The following PDXDC1 variants were observed in gnomAD, a reference collection of about 807,000 sequenced individuals.
The protein encoded by PDXDC1 is pyridoxal dependent decarboxylase domain containing 1.
In PDXDC1, 42 loss-of-function variants were observed where a neutral mutation model predicts 100.1. That is an observed-to-expected ratio of 0.42 (90% confidence interval 0.33 to 0.54). PDXDC1 has a LOEUF of 0.54. Among genes scored for constraint, PDXDC1 ranks in the 20% least tolerant of loss-of-function variants. The pLI is 0.10. For synonymous variants in PDXDC1, 260 were observed against 371.7 expected (o/e 0.70, Z 3.46); for missense variants, 636 against 979.2 (o/e 0.65, Z 4.68).
intron 16 of PDXDC1, chr16:15,055,718 A>G: frequency 2.6e-6 from 1 of 381,160 alleles, no homozygotes. Context: ...GCTGAAGTCT[A>G]AAGAAGGCAA....
intron 3 of PDXDC1, among the ~76,000 whole-genome samples, chr16:15,001,550 G>A (rs1973154861): frequency 6.6e-6 from 1 of 152,290 alleles, no homozygotes; most frequent in African/African-American, 2.4e-5. Context: ...TCATAATTAG[G>A]TAGAAGATTT....
At chr16:15,062,044 T>C in intron 16 of PDXDC1, 3 of 802,522 alleles carry the variant, frequency 3.7e-6, no homozygotes, top group Non-Finnish European at 5.8e-6. Context: ...GCCAGTGTAG[T>C]GGCACACGCC....
At chr16:15,018,324 G>A (rs1344315856) in intron 11 of PDXDC1, among the ~76,000 whole-genome samples, 1 of 152,232 alleles carries the variant, frequency 6.6e-6, no homozygotes, top group Non-Finnish European at 1.5e-5. Flanking sequence ...TGGGAGGGCT[G>A]ATTGAGCCCT....
rs752171786 is a variant in PDXDC1 at position 15,034,570 on chromosome 16, T to C, written c.2002+17T>C. On this transcript the variant is annotated intron_variant, in intron 21 of 22. Transcript: ENST00000396410. Reference sequence around the variant, plus strand: ...TGACAGCAGGTAGGACGGCATAGCCTCTTCCCAGGTCTTGCTGACCTTGGG... The same window carrying C: ...TGACAGCAGGTAGGACGGCATAGCCCCTTCCCAGGTCTTGCTGACCTTGGG... 6 of 1,575,132 alleles carry C rather than the reference T, an allele frequency of 3.8e-6. No individual in the cohort carries two copies. The highest frequency in any genetic ancestry group is 2.2e-5 in the East Asian group (1 of 44,704).
intron 16 of PDXDC1, among the ~76,000 whole-genome samples, chr16:15,064,526 G>A (rs1854101496): frequency 6.6e-6 from 1 of 152,174 alleles, no homozygotes; most frequent in African/African-American, 2.4e-5. Context: ...GTGGTCTCTA[G>A]AGGAAGGAAC....
chr16:15,030,567 A>AAAAAAAC (rs2042987704), intron 16 of PDXDC1, among the ~76,000 whole-genome samples: 1 of 149,916 alleles, frequency 6.7e-6, no homozygotes, highest in Non-Finnish European at 1.5e-5. Context: ...AAAAAAAAAA[A>AAAAAAAC]AAGTCATCAC....
intron 16 of PDXDC1, among the ~76,000 whole-genome samples, chr16:15,110,142 T>A (rs2046982043): frequency 2.1e-5 from 3 of 141,334 alleles, no homozygotes; most frequent in African/African-American, 5.2e-5. Flanking sequence ...CAAAGCCCCA[T>A]CTCAGGAAAA....
intron 1 of PDXDC1, among the ~76,000 whole-genome samples, chr16:14,995,899 T>C (rs1464611770): frequency 1.3e-5 from 2 of 152,412 alleles, no homozygotes; most frequent in East Asian, 1.9e-4. Context: ...AATGTATCCA[T>C]TTCTTCTAGA....
intron 1 of PDXDC1, chr16:14,989,924 G>T (rs1400204508): frequency 3.8e-5 from 57 of 1,501,358 alleles, no homozygotes; most frequent in Non-Finnish European, 4.7e-5. Flanking sequence ...CCGCCTCGCC[G>T]CGCTCCCGCA....
chr16:15,076,182 C>A (rs149178620), intron 16 of PDXDC1, among the ~76,000 whole-genome samples: 32 of 152,150 alleles, frequency 2.1e-4, no homozygotes, highest in Non-Finnish European at 3.7e-4. Context: ...TTCCACTGAA[C>A]CCAACTTCAG....
At chr16:15,111,911 GCTCT>G (rs1286979711) in intron 16 of PDXDC1, among the ~76,000 whole-genome samples, 4 of 149,316 alleles carry the variant, frequency 2.7e-5, no homozygotes, top group South Asian at 4.3e-4. Flanking sequence ...ATTACCTTCA[GCTCT>G]CTGAGTTCTA....
chr16:15,142,731 G>A (rs1451044591), downstream of PDXDC1, among the ~76,000 whole-genome samples: 6 of 152,134 alleles, frequency 3.9e-5, no homozygotes, highest in South Asian at 8.3e-4. Flanking sequence ...AGGCAGCCTC[G>A]CGCCAGCCCC....
chr16:14,984,491 A>ATTTT (rs1968836476), intron 1 of PDXDC1, among the ~76,000 whole-genome samples: 7 of 93,788 alleles, frequency 7.5e-5, no homozygotes, highest in African/African-American at 2.4e-4. Flanking sequence ...ATATATATAT[A>ATTTT]TATATTTTTT....
rs2043456386 is a variant in PDXDC1, at chr16:15,036,394, A to AT, written c.*123dup. 9.6e-7 allele frequency: 1 copy of AT among 1,040,222 alleles called. No individual in the cohort carries two copies. The highest frequency in any genetic ancestry group is 2.2e-4 in the Middle Eastern group (1 of 4,472). The allele number at this position is 1,040,222 out of a possible 1,614,324, so 64.4% of individuals were successfully genotyped here. A position where few individuals can be genotyped will look rare whatever the true frequency, so the allele number is the denominator to read the frequency against. The stretch of plus-strand genomic sequence containing the variant: ...TTACTGTTGTTTGTGCTTCACTGGG[A>AT]TTTTGGCACAAATATGTGCCTGAAA... On this transcript the variant is annotated 3_prime_UTR_variant, in exon 23 of 23. Coordinates refer to ENST00000396410, the MANE Select transcript of PDXDC1 (RefSeq NM_015027.4).
At chr16:15,077,602 GA>G (rs2045516235) in intron 16 of PDXDC1, among the ~76,000 whole-genome samples, 1 of 152,180 alleles carries the variant, frequency 6.6e-6, no homozygotes, top group Non-Finnish European at 1.5e-5. Flanking sequence ...AGCTCTTTGG[GA>G]GGCCGAGGTG....
intron 15 of PDXDC1, 79 bp from the exon 16 acceptor site, chr16:15,029,872 G>T (rs865975733): frequency 7.4e-7 from 1 of 1,342,800 alleles, no homozygotes; most frequent in Middle Eastern, 2.2e-4. Context: ...TTTGGTCTGG[G>T]GCCGAGGGGA....
chr16:14,986,804 T>TGGCGC (rs1969481871), intron 1 of PDXDC1, among the ~76,000 whole-genome samples: 2 of 152,290 alleles, frequency 1.3e-5, no homozygotes, highest in African/African-American at 4.8e-5. Context: ...TAGAGTGCAG[T>TGGCGC]GGCGCGTTCT....
At chr16:15,062,127 CA>C (rs2151754169) in intron 16 of PDXDC1, among the ~76,000 whole-genome samples, 1 of 152,296 alleles carries the variant, frequency 6.6e-6, no homozygotes, top group Non-Finnish European at 1.5e-5. Flanking sequence ...CCAGCCTGGG[CA>C]ACATAGCGAG....
At chr16:15,077,416 G>C (rs2151793616) in intron 16 of PDXDC1, among the ~76,000 whole-genome samples, 1 of 152,190 alleles carries the variant, frequency 6.6e-6, no homozygotes, top group Non-Finnish European at 1.5e-5. Context: ...CAAGAGATCT[G>C]ATGGTTTTAT....
Sources: allele counts gnomAD v4.1 joint callset (sites outside exome capture counted in the v4.1 genomes callset), GRCh38; gene constraint gnomAD v4.1.1; transcripts MANE v1.5; gene names NCBI Gene and HGNC (gene_info 2026-07-23, HGNC 2026-07-21).